NAV2: variants seen among roughly 807,000 people sequenced by gnomAD.
NAV2 encodes helicase, APC down-regulated 1.
In NAV2, 54 loss-of-function variants were observed where a neutral mutation model predicts 223.2. That is an observed-to-expected ratio of 0.24 (90% CI 0.19 to 0.30). NAV2 has a LOEUF of 0.30. Among genes scored for constraint, NAV2 ranks in the 10% least tolerant of loss-of-function variants. NAV2 has a pLI of 1.00. For synonymous variants in NAV2, 1,279 were observed against 1,239.3 expected, an observed-to-expected ratio of 1.03 and a Z score of -0.67; for missense variants, 2,806 against 3,147.5, an observed-to-expected ratio of 0.89 and a Z score of 2.60.
intron 3 of NAV2, among the ~76,000 whole-genome samples, chr11:19,850,525 A>G (rs2061053366): frequency 6.6e-6 from 1 of 152,192 alleles, no homozygotes; most frequent in Non-Finnish European, 1.5e-5. Context: ...TGATTTCATT[A>G]TCTACAGCTG....
At chr11:19,438,836 T>G (rs1320708295) in intron 1 of NAV2, among the ~76,000 whole-genome samples, 1 of 152,126 alleles carries the variant, frequency 6.6e-6, no homozygotes, top group African/African-American at 2.4e-5. Context: ...GGCATGTGGA[T>G]GCATTCCAAC....
At chr11:20,048,124 G>A (rs1371664646) in intron 14 of NAV2, among the ~76,000 whole-genome samples, 1 of 152,154 alleles carries the variant, frequency 6.6e-6, no homozygotes, top group South Asian at 2.1e-4. Context: ...AGATTTCCAT[G>A]TATGTCACTG....
intron 2 of NAV2, among the ~76,000 whole-genome samples, chr11:19,836,417 C>T (rs1189816450): frequency 2.6e-5 from 4 of 151,848 alleles, no homozygotes; most frequent in Admixed American, 6.6e-5. Flanking sequence ...ATTAGCCGGG[C>T]GCGGTGGCGG....
chr11:19,790,145 C>T (rs1216974759), intron 1 of NAV2, among the ~76,000 whole-genome samples: 1 of 152,160 alleles, frequency 6.6e-6, no homozygotes, highest in Non-Finnish European at 1.5e-5. Context: ...CTGTCCCTTC[C>T]ATTAGACGTG....
In NAV2 at chr11:20,097,749, A is replaced by G. The variant is rs1270021820; in HGVS notation, c.6181+4A>G. ...ACCATCTCAGTGACTGTGAAAGGTA[A>G]TTGAGCTTGTTGCAGAAGTCGGAGC... On this transcript the variant is annotated splice_donor_region_variant and intron_variant, in intron 31 of 37. Coordinates refer to ENST00000349880, the MANE Select transcript of NAV2 (RefSeq NM_145117.5). The G allele has an allele frequency of 1.9e-6, 3 of 1,575,526 alleles. No homozygotes were observed. The highest frequency in any genetic ancestry group is 2.7e-5 in the African/African-American group (2 of 73,240).
At chr11:19,668,436 G>A (rs1179426542) in intron 1 of NAV2, among the ~76,000 whole-genome samples, 3 of 145,210 alleles carry the variant, frequency 2.1e-5, no homozygotes, top group African/African-American at 7.4e-5. Flanking sequence ...GGCAGGCTGA[G>A]GCACGAGAAT....
intron 1 of NAV2, among the ~76,000 whole-genome samples, chr11:19,439,518 C>T (rs1034311948): frequency 6.6e-6 from 1 of 152,068 alleles, no homozygotes; most frequent in Non-Finnish European, 1.5e-5. Context: ...ACATGTACCC[C>T]TGAATTTAAA....
chr11:19,751,716 T>C (rs2053835616), intron 1 of NAV2, among the ~76,000 whole-genome samples: 1 of 152,234 alleles, frequency 6.6e-6, no homozygotes, highest in African/African-American at 2.4e-5. Flanking sequence ...ACTACCTGTT[T>C]TCAAAGCACG....
chr11:19,780,873 G>A (rs2056681967), intron 1 of NAV2, among the ~76,000 whole-genome samples: 1 of 152,108 alleles, frequency 6.6e-6, no homozygotes, highest in South Asian at 2.1e-4. Flanking sequence ...AAGTTACCAG[G>A]ACTGTTTTTT....
intron 1 of NAV2, among the ~76,000 whole-genome samples, chr11:19,398,490 T>C (rs890065975): frequency 3.3e-5 from 5 of 152,100 alleles, no homozygotes; most frequent in African/African-American, 9.7e-5. Flanking sequence ...CCTTTAAACA[T>C]AGCTGGCTTT....
At chr11:19,606,622 C>A (rs1020718583) in intron 1 of NAV2, among the ~76,000 whole-genome samples, 4 of 152,160 alleles carry the variant, frequency 2.6e-5, no homozygotes, top group African/African-American at 7.2e-5. Flanking sequence ...AATCTCCAAG[C>A]CCTGTCCTAT....
intron 11 of NAV2, among the ~76,000 whole-genome samples, chr11:19,997,834 C>T (rs558016311): frequency 9.2e-5 from 14 of 152,256 alleles, no homozygotes; most frequent in South Asian, 8.3e-4. Flanking sequence ...GCATCCTTTA[C>T]GTTATCCAGG....
At chr11:20,032,093 C>T (rs1327840866) in intron 11 of NAV2, among the ~76,000 whole-genome samples, 1 of 152,206 alleles carries the variant, frequency 6.6e-6, no homozygotes, top group Non-Finnish European at 1.5e-5. Flanking sequence ...GCCAGTATCC[C>T]AGAGACCCAG....
intron 1 of NAV2, among the ~76,000 whole-genome samples, chr11:19,682,326 T>A (rs1489313351): frequency 6.6e-6 from 1 of 152,202 alleles, no homozygotes; most frequent in African/African-American, 2.4e-5. Flanking sequence ...TATCTCATAA[T>A]CCAATTGTTA....
At chr11:19,683,540 A>C (rs1044293322) in intron 1 of NAV2, among the ~76,000 whole-genome samples, 6 of 152,262 alleles carry the variant, frequency 3.9e-5, no homozygotes, top group African/African-American at 1.4e-4. Context: ...GGGCCCATCC[A>C]AGAGGCCTGT....
At chr11:19,420,272 TAAAA>T (rs939805964) in intron 1 of NAV2, among the ~76,000 whole-genome samples, 4 of 152,078 alleles carry the variant, frequency 2.6e-5, no homozygotes, top group African/African-American at 4.8e-5. Context: ...ATTAAAAAGA[TAAAA>T]AAATGCCAGG....
intron 19 of NAV2, chr11:20,056,752 T>G (rs2058388120): frequency 1.5e-6 from 1 of 677,638 alleles, no homozygotes; most frequent in Admixed American, 2.4e-5. Flanking sequence ...TAGCAGAGTT[T>G]AAATTCCAGC....
rs116915422 is a variant in NAV2, at chr11:19,811,179, G to A, written c.268-21305G>A. Among the ~76,000 whole-genome samples, 702 of 152,280 alleles carry A rather than the reference G, an allele frequency of 4.6e-3. 8 individuals are homozygous for A. Among genetic ancestry groups the A allele is most frequent in the Non-Finnish European group, 5.6e-3 (382 of 68,020 alleles). ...CAGTTCAGGGATTTGAATCAGGTCCGGCTGACATCAGAATCCACACCCTTT... is the reference window on the plus strand; with the variant it reads ...CAGTTCAGGGATTTGAATCAGGTCCAGCTGACATCAGAATCCACACCCTTT... On this transcript the variant is annotated intron_variant, in intron 1 of 37. Coordinates refer to ENST00000349880, the MANE Select transcript of NAV2 (RefSeq NM_145117.5).
chr11:19,384,540 G>A (rs1848961554), intron 1 of NAV2: 1 of 152,176 alleles, frequency 6.6e-6, no homozygotes, highest in Non-Finnish European at 1.5e-5. Flanking sequence ...CTGGTTGTTG[G>A]ATTTTTAGTA....
Sources: gnomAD v4.1 joint callset for allele counts (sites outside exome capture counted in the v4.1 genomes callset) on GRCh38, gnomAD v4.1.1 for gene constraint, MANE v1.5 for transcripts, NCBI Gene and HGNC (gene_info 2026-07-23, HGNC 2026-07-21) for gene names.